The following TNS1 variants were observed in gnomAD, a reference collection of about 807,000 sequenced individuals.
TNS1 encodes tensin-1.
A neutral mutation model predicts 168.6 loss-of-function variants in TNS1; 62 were observed. The ratio of observed to expected loss-of-function variants is 0.37; its 90% CI spans 0.30 to 0.45. The LOEUF (loss-of-function observed/expected upper bound fraction) is 0.45, where lower values mean the gene tolerates loss of function less well. Ranked by LOEUF, TNS1 falls within the 20% of genes least tolerant of loss-of-function variation. The pLI is 1.00. For missense variants in TNS1, 2,240 were observed against 2,339.4 expected, an observed-to-expected ratio of 0.96 and a Z score of 0.88; for synonymous variants, 934 against 933.2, an observed-to-expected ratio of 1.00 and a Z score of -0.02.
intron 21 of TNS1, among the ~76,000 whole-genome samples, chr2:217,834,071 G>C (rs994816857): frequency 7.2e-5 from 11 of 152,320 alleles, no homozygotes; most frequent in African/African-American, 2.6e-4. Context: ...TGTGCTCATA[G>C]TATATTTCCA....
At chr2:217,943,935 C>T in intron 3 of TNS1, 1 of 153,122 alleles carries the variant, frequency 6.5e-6, no homozygotes, top group South Asian at 2.1e-4. Flanking sequence ...GGGGCGGTGG[C>T]CAGTGGCGGA....
intron 2 of TNS1, among the ~76,000 whole-genome samples, chr2:217,989,116 G>T (rs1282602755): frequency 6.6e-6 from 1 of 152,192 alleles, no homozygotes; most frequent in Non-Finnish European, 1.5e-5. Flanking sequence ...GAGGAGTCAT[G>T]TGAGGTGCCA....
intron 4 of TNS1, 138 bp downstream of exon 4, chr2:217,920,057 G>A: frequency 3.0e-6 from 2 of 673,878 alleles, no homozygotes; most frequent in Non-Finnish European, 5.4e-6. Flanking sequence ...CTTCGGCCCA[G>A]GGAGGTCGAC....
chr2:217,839,198 G>GC (rs1346074194), intron 19 of TNS1, among the ~76,000 whole-genome samples: 1 of 152,182 alleles, frequency 6.6e-6, no homozygotes, highest in Non-Finnish European at 1.5e-5. Context: ...AGGCCGTGTG[G>GC]CCAGAGGAAG....
intron 3 of TNS1, 126 bp downstream of exon 3, chr2:217,978,639 A>G: frequency 1.7e-6 from 1 of 585,664 alleles, no homozygotes; most frequent in South Asian, 1.9e-5. Context: ...GCTTTGCATA[A>G]ACAAAGAGAG....
chr2:217,981,517 T>A (rs1429623125), intron 2 of TNS1, among the ~76,000 whole-genome samples: 1 of 152,210 alleles, frequency 6.6e-6, no homozygotes, highest in Non-Finnish European at 1.5e-5. Flanking sequence ...GCAGAAAGCT[T>A]GTCCTTGGCA....
At chr2:217,925,232 T>G (rs1955955275) in intron 3 of TNS1, among the ~76,000 whole-genome samples, 1 of 152,218 alleles carries the variant, frequency 6.6e-6, no homozygotes, top group Admixed American at 6.5e-5. Flanking sequence ...TTTGTGCGTG[T>G]GGCCTGTGGA....
chr2:217,940,649 T>C (rs898273884), intron 3 of TNS1, among the ~76,000 whole-genome samples: 1 of 152,312 alleles, frequency 6.6e-6, no homozygotes, highest in East Asian at 1.9e-4. Flanking sequence ...ACCAAGACTG[T>C]GAGGGGGCTC....
chr2:217,935,208 G>A (rs894257351), intron 3 of TNS1, among the ~76,000 whole-genome samples: 1 of 152,226 alleles, frequency 6.6e-6, no homozygotes, highest in African/African-American at 2.4e-5. Context: ...CAGCCAGACA[G>A]CGGTTACTGG....
intron 19 of TNS1, among the ~76,000 whole-genome samples, chr2:217,847,083 A>T (rs1187100996): frequency 6.6e-6 from 1 of 152,244 alleles, no homozygotes; most frequent in Admixed American, 6.5e-5. Context: ...AGGCAATTGC[A>T]GAGTCTCCTC....
chr2:217,929,465 G>A (rs190300041), intron 3 of TNS1, among the ~76,000 whole-genome samples: 23 of 152,248 alleles, frequency 1.5e-4, no homozygotes, highest in Middle Eastern at 3.4e-3. Flanking sequence ...CAAGCCTACC[G>A]GGGCAGGGTG....
intron 22 of TNS1, among the ~76,000 whole-genome samples, chr2:217,828,827 G>A (rs2571438): frequency 0.3 from 45,939 of 152,110 alleles, 6,994 homozygotes; most frequent in Middle Eastern, 0.4. Flanking sequence ...TGAAACACGC[G>A]AAGTTGTCTG....
At chr2:217,955,652 C>T (rs576872416) in intron 3 of TNS1, among the ~76,000 whole-genome samples, 20 of 152,278 alleles carry the variant, frequency 1.3e-4, no homozygotes, top group East Asian at 1.2e-3. Context: ...CAGTGGGAGG[C>T]GGTCAACACC....
At position 217,991,273 on chromosome 2, in the gene TNS1, A is replaced by C. The variant is rs537319923; in HGVS notation, c.34-217T>G. On this transcript the variant is annotated intron_variant, in intron 1 of 32. Transcript: ENST00000682258. ...GGTGGGGCCCATGGCCTGAGTCCAG[A>C]CGGCAGCTGGAGAGTCCAGCTCCAG... 2.0e-5 allele frequency among the ~76,000 whole-genome samples: 3 copies of C among 152,216 alleles called. No individual in the cohort carries two copies. The South Asian group carries it at 6.2e-4, about 32-fold the overall frequency.
At chr2:217,851,804 T>G (rs998579926) in intron 18 of TNS1, among the ~76,000 whole-genome samples, 4 of 152,088 alleles carry the variant, frequency 2.6e-5, no homozygotes, top group African/African-American at 9.7e-5. Context: ...AGGCTGACCT[T>G]CATGCCCACT....
At chr2:218,021,032 A>G (rs1221768926) in intron 1 of TNS1, among the ~76,000 whole-genome samples, 2 of 152,254 alleles carry the variant, frequency 1.3e-5, no homozygotes, top group African/African-American at 4.8e-5. Flanking sequence ...TTCTGAGAAC[A>G]AAAAAGGCCT....
intron 3 of TNS1, among the ~76,000 whole-genome samples, chr2:217,952,510 A>C (rs1957267563): frequency 6.6e-6 from 1 of 152,184 alleles, no homozygotes; most frequent in South Asian, 2.1e-4. Flanking sequence ...CAGCCTGCCC[A>C]GTGCAGAAGT....
At chr2:217,858,820 G>A (rs1948487683) in intron 18 of TNS1, among the ~76,000 whole-genome samples, 1 of 152,064 alleles carries the variant, frequency 6.6e-6, no homozygotes, top group Admixed American at 6.5e-5. Flanking sequence ...CAGCCAGCTG[G>A]GTCCCCAGGG....
Position 217,848,232 on chromosome 2 carries a change from C to A in TNS1, c.2285G>T (p.Gly762Val). 1 of 1,573,942 alleles carries A rather than the reference C, an allele frequency of 6.4e-7. No individual in the cohort carries two copies. Among genetic ancestry groups the A allele is most frequent in the Non-Finnish European group, 8.6e-7 (1 of 1,160,608 alleles). The change falls in exon 19 of 33, where the codon GGA becomes GTA. Residue 762 changes from glycine (G) to valine (V), a missense_variant. Coordinates refer to ENST00000682258, the MANE Select transcript of TNS1 (RefSeq NM_001387777.1). ...PQLPPAPVRG[G>V]SSREAVQRGL... ...CCTTTGCACAGCCTCCCGGCTGCTT[C>A]CCCCTCGGACCGGAGCTGGGGGCAG... is the stretch of plus-strand genomic sequence containing the variant.
Sources: gnomAD v4.1 joint callset for allele counts (sites outside exome capture counted in the v4.1 genomes callset) on GRCh38, gnomAD v4.1.1 for gene constraint, MANE v1.5 for transcripts, NCBI Gene and HGNC (gene_info 2026-07-23, HGNC 2026-07-21) for gene names.